DPH6: variants seen among roughly 807,000 people sequenced by gnomAD.
DPH6 encodes the protein diphthamine biosynthesis 6, also known as diphthine--ammonia ligase.
A neutral mutation model predicts 38.2 loss-of-function variants in DPH6; 33 were observed. The ratio of observed to expected loss-of-function variants is 0.86; its 90% CI spans 0.65 to 1.15. DPH6 has a LOEUF of 1.15. DPH6 is among the 50% of genes most tolerant of loss of function. The pLI is 0.00. For synonymous variants in DPH6, 108 were observed against 103.0 expected, an observed-to-expected ratio of 1.05 and a Z score of -0.30; for missense variants, 325 against 320.0, an observed-to-expected ratio of 1.02 and a Z score of -0.12.
At chr15:35,536,713 T>C (rs765303625) in intron 3 of DPH6, among the ~76,000 whole-genome samples, 3 of 152,082 alleles carry the variant, frequency 2.0e-5, no homozygotes, top group Non-Finnish European at 4.4e-5. Context: ...TTTTATAATA[T>C]TGGTTTATAT....
intron 3 of DPH6, among the ~76,000 whole-genome samples, chr15:35,531,896 T>C (rs2055093370): frequency 6.6e-6 from 1 of 152,184 alleles, no homozygotes; most frequent in African/African-American, 2.4e-5. Flanking sequence ...CACTATCATG[T>C]TTTTGAGGTC....
intron 3 of DPH6, among the ~76,000 whole-genome samples, chr15:35,525,674 CA>C (rs1316977228): frequency 6.6e-6 from 1 of 151,582 alleles, no homozygotes; most frequent in Non-Finnish European, 1.5e-5. Flanking sequence ...CTCACCTCTA[CA>C]AAAAAAATAC....
intron 3 of DPH6, among the ~76,000 whole-genome samples, chr15:35,486,985 C>T (rs937821305): frequency 4.6e-5 from 7 of 152,176 alleles, no homozygotes; most frequent in Non-Finnish European, 7.4e-5. Flanking sequence ...GTCTGAAACC[C>T]GGCAGGGCAG....
At chr15:35,414,837 T>C (rs2053416115) in intron 5 of DPH6, among the ~76,000 whole-genome samples, 2 of 151,894 alleles carry the variant, frequency 1.3e-5, no homozygotes, top group Non-Finnish European at 1.5e-5. Context: ...AAATTTCTAA[T>C]TGGTTTTCAC....
downstream of DPH6, among the ~76,000 whole-genome samples, chr15:35,330,007 T>C (rs2052314933): frequency 1.3e-5 from 2 of 152,114 alleles, no homozygotes; most frequent in Non-Finnish European, 2.9e-5. Flanking sequence ...ACCAAACAAA[T>C]ACTAGAGAAT....
chr15:35,534,248 A>G (rs573822863), intron 3 of DPH6, among the ~76,000 whole-genome samples: 2 of 151,788 alleles, frequency 1.3e-5, no homozygotes, highest in East Asian at 3.9e-4. Context: ...ATGGTGGTGC[A>G]TGCCTGTAAT....
chr15:35,452,580 C>T (rs971779019), intron 4 of DPH6, among the ~76,000 whole-genome samples: 2 of 152,086 alleles, frequency 1.3e-5, no homozygotes, highest in African/African-American at 4.8e-5. Context: ...AAAAATATCA[C>T]TATTTTTTTC....
chr15:35,481,045 G>A (rs1117607), intron 3 of DPH6, among the ~76,000 whole-genome samples: 6,184 of 151,846 alleles, frequency 0.041, 417 homozygotes, highest in African/African-American at 0.14. Flanking sequence ...AGAACTTTTT[G>A]TAATGATGGA....
downstream of DPH6, chr15:35,365,896 T>C (rs2052654239): frequency 1.0e-6 from 1 of 985,264 alleles, no homozygotes; most frequent in Non-Finnish European, 1.2e-6. Context: ...AGTTGTCTCA[T>C]TTAGTTTTAC....
intron 3 of DPH6, among the ~76,000 whole-genome samples, chr15:35,284,454 T>C (rs1410348968): frequency 6.6e-6 from 1 of 151,968 alleles, no homozygotes. Context: ...TTGCAAAAAT[T>C]TTCTGGACAA....
the DPH6 span, among the ~76,000 whole-genome samples, chr15:35,145,710 G>A: frequency 6.6e-6 from 1 of 152,166 alleles, no homozygotes; most frequent in Non-Finnish European, 1.5e-5. Flanking sequence ...AACACACAGA[G>A]ATGAAAACAG....
Position 35,497,219 on chromosome 15 carries a change from A to G in DPH6, c.312+41055T>C, listed in dbSNP as rs747889514. ...AACAGTGCATCTCTTTTTGCTCCCC[A>G]TTACATTCTTAGAAATGGTCATTGG... is the stretch of plus-strand genomic sequence containing the variant. On this transcript the variant is annotated intron_variant, in intron 3 of 8. Transcript: ENST00000256538. Among the ~76,000 whole-genome samples, 5 of 152,306 alleles carry G rather than the reference A, an allele frequency of 3.3e-5. 1 individual carries two copies. Among genetic ancestry groups the G allele is most frequent in the Admixed American group, 2.0e-4 (3 of 15,294 alleles).
chr15:35,337,358 T>C lies in DPH6; in HGVS notation n.208-6281A>G, dbSNP rs542067954. On this transcript the variant is annotated intron_variant and non_coding_transcript_variant, in intron 3 of 3. Coordinates refer to the DPH6 transcript ENST00000558973. ...CTCTTTTTTTCTTTATTAGTCTTGC[T>C]AGCGGTCTATCATTCTTATACACCA... 2.3e-3 allele frequency among the ~76,000 whole-genome samples: 346 copies of C among 151,974 alleles called. 3 individuals carry two copies. The highest frequency in any genetic ancestry group is 3.4e-3 in the Middle Eastern group (1 of 294).
intron 6 of DPH6, among the ~76,000 whole-genome samples, chr15:35,404,207 T>C (rs1432267913): frequency 6.6e-6 from 1 of 152,178 alleles, no homozygotes; most frequent in Non-Finnish European, 1.5e-5. Flanking sequence ...GATATACCTT[T>C]GATACACTGA....
chr15:35,177,603 C>CAAAA, the DPH6 span, among the ~76,000 whole-genome samples: 4 of 105,954 alleles, frequency 3.8e-5, no homozygotes, highest in Admixed American at 2.9e-4. Context: ...AAAAAAAAAT[C>CAAAA]ATCATCATCA....
Position 35,372,275 on chromosome 15 carries a change from CAAAGATGTAATACTGTT to C in DPH6, c.751-89_751-73del. 2.5e-6 allele frequency: 3 copies of C among 1,205,210 alleles called. No individual in the cohort carries two copies. In the South Asian group the frequency reaches 5.9e-5, roughly 24 times the overall value. 74.7% of individuals were successfully genotyped at this position (1,205,210 alleles called of 1,614,324 possible). On this transcript the variant is annotated intron_variant, in intron 8 of 8. Transcript: ENST00000256538. ...TTCAGTGTCAGTGAATATGACACTT[CAAAGATGTAATACTGTT>C]ATCTGAAATACTGTTATCTTCGCAG...
chr15:35,233,081 G>T (rs1342548866), intron 3 of DPH6, among the ~76,000 whole-genome samples: 4 of 152,150 alleles, frequency 2.6e-5, no homozygotes, highest in African/African-American at 9.7e-5. Context: ...GCTGCGGTGG[G>T]GGGATCACTT....
intron 3 of DPH6, among the ~76,000 whole-genome samples, chr15:35,306,840 T>C (rs916555754): frequency 6.6e-6 from 1 of 152,144 alleles, no homozygotes; most frequent in African/African-American, 2.4e-5. Context: ...ACACCCAACA[T>C]GTTCAGTCTG....
At chr15:35,160,130 A>C in the DPH6 span, among the ~76,000 whole-genome samples, 1 of 151,986 alleles carries the variant, frequency 6.6e-6, no homozygotes, top group East Asian at 1.9e-4. Flanking sequence ...ATCGTACTCA[A>C]CATCATGCAA....
Sources: gnomAD v4.1 joint callset for allele counts (sites outside exome capture counted in the v4.1 genomes callset) on GRCh38, gnomAD v4.1.1 for gene constraint, MANE v1.5 for transcripts, NCBI Gene and HGNC (gene_info 2026-07-23, HGNC 2026-07-21) for gene names.